The following MACROD2 variants were observed in gnomAD, a reference collection of about 807,000 sequenced individuals.
MACROD2 encodes mono-ADP ribosylhydrolase 2, also known as ADP-ribose glycohydrolase MACROD2.
Under a neutral mutation model 70.4 loss-of-function variants are expected in MACROD2, and 36 were observed. The ratio of observed to expected loss-of-function variants is 0.51; its 90% CI spans 0.39 to 0.68. The LOEUF (loss-of-function observed/expected upper bound fraction) is 0.68. MACROD2 is among the 30% of genes least tolerant of loss of function. The probability of loss-of-function intolerance (pLI) is 0.00; values close to 1 mark genes in which losing one functional copy is unlikely to be tolerated. For synonymous variants in MACROD2, 172 were observed against 178.8 expected, an observed-to-expected ratio of 0.96 and a Z score of 0.30; for missense variants, 496 against 538.4, an observed-to-expected ratio of 0.92 and a Z score of 0.78.
At chr20:15,700,891 T>G (rs1404397680) in intron 8 of MACROD2, among the ~76,000 whole-genome samples, 1 of 152,232 alleles carries the variant, frequency 6.6e-6, no homozygotes, top group Non-Finnish European at 1.5e-5. Flanking sequence ...ATTAATTCAT[T>G]CATCTATCAC....
chr20:15,193,975 G>A (rs1272987147), intron 5 of MACROD2, among the ~76,000 whole-genome samples: 1 of 151,940 alleles, frequency 6.6e-6, no homozygotes, highest in African/African-American at 2.4e-5. Flanking sequence ...GCCAGGTGTG[G>A]TGGCTCACAC....
chr20:14,028,927 T>C (rs1012049492), intron 2 of MACROD2, among the ~76,000 whole-genome samples: 2 of 152,240 alleles, frequency 1.3e-5, no homozygotes, highest in African/African-American at 4.8e-5. Flanking sequence ...CAGAGTATCT[T>C]TTCTGTGCAG....
chr20:14,879,783 G>A (rs1161974382), intron 5 of MACROD2, among the ~76,000 whole-genome samples: 2 of 152,128 alleles, frequency 1.3e-5, no homozygotes, highest in Non-Finnish European at 2.9e-5. Flanking sequence ...CTTTAAAAGA[G>A]CATAGTAATC....
At chr20:14,103,109 A>G (rs893278629) in intron 3 of MACROD2, among the ~76,000 whole-genome samples, 5 of 151,444 alleles carry the variant, frequency 3.3e-5, no homozygotes, top group African/African-American at 1.2e-4. Context: ...TTTTTTTCTG[A>G]AGGAATTTGT....
chr20:14,414,874 T>TA (rs1371400566), intron 3 of MACROD2, among the ~76,000 whole-genome samples: 2 of 151,872 alleles, frequency 1.3e-5, no homozygotes, highest in Non-Finnish European at 2.9e-5. Flanking sequence ...CAATCCTATT[T>TA]AAAAAACTCT....
chr20:15,667,511 C>CT (rs1341173209), intron 8 of MACROD2, among the ~76,000 whole-genome samples: 1 of 136,116 alleles, frequency 7.3e-6, no homozygotes, highest in African/African-American at 2.7e-5. Context: ...ATCTATCTAT[C>CT]TATCTATCTA....
chr20:14,457,107 A>G (rs1461103697), intron 3 of MACROD2, among the ~76,000 whole-genome samples: 1 of 151,650 alleles, frequency 6.6e-6, no homozygotes, highest in Non-Finnish European at 1.5e-5. Flanking sequence ...GAGTTTGTTA[A>G]AGGTATCATT....
At chr20:14,568,962 A>G (rs1360985790) in intron 4 of MACROD2, among the ~76,000 whole-genome samples, 1 of 152,042 alleles carries the variant, frequency 6.6e-6, no homozygotes, top group Non-Finnish European at 1.5e-5. Context: ...GAGGGAGGAC[A>G]CAAAATGTTC....
chr20:14,294,452 TG>T (rs2082411125), intron 3 of MACROD2, among the ~76,000 whole-genome samples: 1 of 151,662 alleles, frequency 6.6e-6, no homozygotes, highest in Non-Finnish European at 1.5e-5. Flanking sequence ...TGAATGGTAC[TG>T]TTGTTTATTC....
intron 6 of MACROD2, among the ~76,000 whole-genome samples, chr20:15,385,147 GAGA>G (rs1354108208): frequency 6.6e-6 from 1 of 152,058 alleles, no homozygotes; most frequent in Non-Finnish European, 1.5e-5. Flanking sequence ...ATCTGAAGTG[GAGA>G]AGGAGGGCAG....
intron 2 of MACROD2, among the ~76,000 whole-genome samples, chr20:14,022,160 G>A (rs2053091946): frequency 6.6e-6 from 1 of 152,174 alleles, no homozygotes; most frequent in African/African-American, 2.4e-5. Flanking sequence ...ACTTCCTCGA[G>A]CTTCCATGTT....
At chr20:16,004,881 A>T (rs192014013) in intron 15 of MACROD2, among the ~76,000 whole-genome samples, 4 of 152,310 alleles carry the variant, frequency 2.6e-5, no homozygotes, top group Admixed American at 6.5e-5. Context: ...GACAGTAGTG[A>T]CTCAGAGCCA....
intron 2 of MACROD2, among the ~76,000 whole-genome samples, chr20:14,061,561 A>G (rs988454081): frequency 6.6e-6 from 1 of 152,130 alleles, no homozygotes; most frequent in Non-Finnish European, 1.5e-5. Context: ...AGTTTCAGGA[A>G]GGTGTGTACC....
intron 3 of MACROD2, among the ~76,000 whole-genome samples, chr20:14,287,044 G>A (rs1683203737): frequency 6.6e-6 from 1 of 152,142 alleles, no homozygotes; most frequent in Admixed American, 6.6e-5. Context: ...TGCATTGAGT[G>A]ATAGGTCTGT....
chr20:16,024,449 T>C (rs6034351), intron 15 of MACROD2, among the ~76,000 whole-genome samples: 4,513 of 152,114 alleles, frequency 0.03, 184 homozygotes, highest in East Asian at 0.21. Flanking sequence ...TCCTACATAA[T>C]AAAAATGTAA....
chr20:14,572,134 G>A (rs1366928307), intron 4 of MACROD2, among the ~76,000 whole-genome samples: 2 of 151,852 alleles, frequency 1.3e-5, no homozygotes, highest in Non-Finnish European at 1.5e-5. Context: ...GCTAATACTG[G>A]GGAACACTAA....
chr20:15,777,567 TTCCTTCCTTCTTTCCTTCC>T (rs2051749665), intron 8 of MACROD2, among the ~76,000 whole-genome samples: 2 of 87,740 alleles, frequency 2.3e-5, no homozygotes, highest in African/African-American at 7.9e-5. Context: ...CCTTCCTTCC[TTCCTTCCTTCTTTCCTTCC>T]TTCCTTCCTT....
intron 3 of MACROD2, among the ~76,000 whole-genome samples, chr20:14,144,178 C>A (rs1394145237): frequency 6.6e-6 from 1 of 151,922 alleles, no homozygotes; most frequent in Non-Finnish European, 1.5e-5. Flanking sequence ...AATTGGAATG[C>A]ATATAAAGAC....
chr20:15,321,790 TTTTG>T (rs2077876054), intron 6 of MACROD2, among the ~76,000 whole-genome samples: 1 of 144,134 alleles, frequency 6.9e-6, no homozygotes. Context: ...GATATCCATT[TTTTG>T]TTGTTGTTGT....
Sources: gnomAD v4.1 joint callset for allele counts (sites outside exome capture counted in the v4.1 genomes callset) on GRCh38, gnomAD v4.1.1 for gene constraint, MANE v1.5 for transcripts, NCBI Gene and HGNC (gene_info 2026-07-23, HGNC 2026-07-21) for gene names.